The following SLC30A8 variants were observed in gnomAD, a reference collection of about 807,000 sequenced individuals.
The protein encoded by SLC30A8 is proton-coupled zinc antiporter SLC30A8.
In SLC30A8, 27 loss-of-function variants were observed where a neutral mutation model predicts 36.9. That is an observed-to-expected ratio of 0.73 (90% CI 0.54 to 1.01). SLC30A8 has a LOEUF of 1.01. Ranked by LOEUF, SLC30A8 falls within the 50% of genes least tolerant of loss-of-function variation. The probability of loss-of-function intolerance (pLI) is 0.00; values close to 1 mark genes in which losing one functional copy is unlikely to be tolerated. For missense variants in SLC30A8, 439 were observed against 452.0 expected, an observed-to-expected ratio of 0.97 and a Z score of 0.26; for synonymous variants, 164 against 172.4, an observed-to-expected ratio of 0.95 and a Z score of 0.38.
intron 1 of SLC30A8, among the ~76,000 whole-genome samples, chr8:117,145,001 T>C (rs2130960120): frequency 6.6e-6 from 1 of 152,208 alleles, no homozygotes; most frequent in Middle Eastern, 3.4e-3. Flanking sequence ...TCTCTATGTA[T>C]CTGTTAAAAA....
intron 1 of SLC30A8, among the ~76,000 whole-genome samples, chr8:117,015,140 C>G (rs60653419): frequency 0.01 from 1,547 of 152,052 alleles, 23 homozygotes; most frequent in African/African-American, 0.034. Context: ...CTGCGTGGCA[C>G]AAACAAGAGG....
chr8:116,968,647 G>GAA (rs1814680727), intron 1 of SLC30A8, among the ~76,000 whole-genome samples: 1 of 125,700 alleles, frequency 8.0e-6, no homozygotes, highest in South Asian at 2.7e-4. Context: ...TCATGACAAT[G>GAA]AATATATATA....
chr8:117,077,822 G>A (rs572793527), intron 2 of SLC30A8, among the ~76,000 whole-genome samples: 2 of 152,314 alleles, frequency 1.3e-5, no homozygotes, highest in East Asian at 3.9e-4. Flanking sequence ...TCTAGAGCGA[G>A]TCAAAGAAGA....
chr8:117,035,619 T>G (rs1371824600), intron 1 of SLC30A8, among the ~76,000 whole-genome samples: 7 of 152,246 alleles, frequency 4.6e-5, no homozygotes, highest in Non-Finnish European at 8.8e-5. Flanking sequence ...AGTGCCCCAG[T>G]GAGGACTCTG....
At chr8:117,041,192 ATAATG>A (rs1343379275) in intron 2 of SLC30A8, among the ~76,000 whole-genome samples, 2 of 152,356 alleles carry the variant, frequency 1.3e-5, no homozygotes, top group African/African-American at 4.8e-5. Context: ...GAAAAAATAA[ATAATG>A]TAAAGGTTTT....
At chr8:117,092,224 A>G (rs556194562) in intron 2 of SLC30A8, among the ~76,000 whole-genome samples, 33 of 152,316 alleles carry the variant, frequency 2.2e-4, no homozygotes, top group African/African-American at 7.5e-4. Flanking sequence ...AATACAAATT[A>G]TATTTTCAGT....
chr8:117,052,946 G>A (rs369552111), intron 2 of SLC30A8, among the ~76,000 whole-genome samples: 8 of 144,560 alleles, frequency 5.5e-5, no homozygotes, highest in East Asian at 4.0e-4. Context: ...TCGTTCTGTC[G>A]CCCAGGCTGG....
At chr8:117,157,659 G>T (rs199894401) in intron 3 of SLC30A8, 32 bp from the exon 4 acceptor site, 124 of 1,612,504 alleles carry the variant, frequency 7.7e-5, no homozygotes, top group Non-Finnish European at 9.8e-5. Flanking sequence ...AGTTATCTGT[G>T]TGTGGGTTTC....
intron 2 of SLC30A8, among the ~76,000 whole-genome samples, chr8:117,125,127 G>A (rs964839761): frequency 1.3e-5 from 2 of 151,940 alleles, no homozygotes; most frequent in African/African-American, 4.8e-5. Context: ...AACAAACTGA[G>A]CAACCGATCT....
intron 2 of SLC30A8, among the ~76,000 whole-genome samples, chr8:117,040,047 T>C (rs573356676): frequency 2.0e-5 from 3 of 152,372 alleles, no homozygotes; most frequent in South Asian, 2.1e-4. Flanking sequence ...TCACGTAGCC[T>C]GTGTATGTAC....
At chr8:116,987,728 C>T (rs1294509915) in intron 1 of SLC30A8, among the ~76,000 whole-genome samples, 1 of 152,090 alleles carries the variant, frequency 6.6e-6, no homozygotes, top group East Asian at 1.9e-4. Flanking sequence ...CTGAGTATCA[C>T]TGTGTTGCCC....
intron 1 of SLC30A8, among the ~76,000 whole-genome samples, chr8:117,023,727 G>T (rs1816782790): frequency 7.0e-6 from 1 of 142,442 alleles, no homozygotes; most frequent in African/African-American, 2.6e-5. Flanking sequence ...GTTGTGGGGT[G>T]GGGGAGGGGG....
intron 1 of SLC30A8, among the ~76,000 whole-genome samples, chr8:116,956,211 G>A (rs1241316031): frequency 6.6e-6 from 1 of 152,198 alleles, no homozygotes; most frequent in Non-Finnish European, 1.5e-5. Context: ...CAAAGATGAT[G>A]AAATAAAGTG....
chr8:117,011,487 C>T (rs1586395010), intron 1 of SLC30A8, among the ~76,000 whole-genome samples: 3 of 152,086 alleles, frequency 2.0e-5, no homozygotes, highest in South Asian at 4.2e-4. Context: ...ACACTTCTAC[C>T]CTGTTCTATA....
At chr8:116,953,419 T>A (rs1213969707) in intron 1 of SLC30A8, among the ~76,000 whole-genome samples, 2 of 152,234 alleles carry the variant, frequency 1.3e-5, no homozygotes, top group African/African-American at 2.4e-5. Context: ...TATTGTTCCA[T>A]GCTGAGTCAA....
At position 116,994,660 on chromosome 8, in the gene SLC30A8, T is replaced by C. The variant is rs1048423728; in HGVS notation, c.-266+43541T>C. Among the ~76,000 whole-genome samples, 3 of 152,244 alleles carry C rather than the reference T, an allele frequency of 2.0e-5. No individual in the cohort carries two copies. In the East Asian group the frequency reaches 5.8e-4, roughly 29 times the overall value. The stretch of plus-strand genomic sequence containing the variant: ...AGAGGGACTTCCAGTCCTGGTAATA[T>C]ACTATACGTTGATTCAGGAAGTGGT... On this transcript the variant is annotated intron_variant, in intron 1 of 10. Coordinates refer to the SLC30A8 transcript ENST00000427715.
chr8:117,134,483 G>A (rs1821269364), upstream of SLC30A8, among the ~76,000 whole-genome samples: 1 of 151,940 alleles, frequency 6.6e-6, no homozygotes. Context: ...TAGGAGTTGA[G>A]GAGTGTGAGG....
chr8:117,082,273 C>A (rs1392883987), intron 2 of SLC30A8, among the ~76,000 whole-genome samples: 1 of 152,040 alleles, frequency 6.6e-6, no homozygotes, highest in African/African-American at 2.4e-5. Context: ...GCACAAGGCA[C>A]TGTCTAGATG....
chr8:116,969,564 GT>G (rs1327533200), intron 1 of SLC30A8, among the ~76,000 whole-genome samples: 1 of 152,168 alleles, frequency 6.6e-6, no homozygotes, highest in African/African-American at 2.4e-5. Context: ...GCGCTGTCAG[GT>G]TTTTGTCATT....
Sources: allele counts gnomAD v4.1 joint callset (sites outside exome capture counted in the v4.1 genomes callset), GRCh38; gene constraint gnomAD v4.1.1; transcripts MANE v1.5; gene names NCBI Gene and HGNC (gene_info 2026-07-23, HGNC 2026-07-21).